Variants in CEACAM18 observed in about 807,000 individuals in gnomAD.
CEACAM18 encodes CEA cell adhesion molecule 18.
A neutral mutation model predicts 34.3 loss-of-function variants in CEACAM18; 33 were observed. That is an observed-to-expected ratio of 0.96 (90% confidence interval 0.73 to 1.29). CEACAM18 has a LOEUF of 1.29. Among genes scored for constraint, CEACAM18 ranks in the 50% most tolerant of loss-of-function variants. CEACAM18 has a pLI of 0.00. For synonymous variants in CEACAM18, 169 were observed against 180.9 expected (o/e 0.93, Z 0.53); for missense variants, 474 against 485.0 (o/e 0.98, Z 0.21).
At chr19:51,489,290 C>T (rs1478239196) in intron 5 of CEACAM18, among the ~76,000 whole-genome samples, 1 of 151,540 alleles carries the variant, frequency 6.6e-6, no homozygotes, top group Non-Finnish European at 1.5e-5. Flanking sequence ...TATTCTTGGG[C>T]CTCTGATGAA....
At chr19:51,484,711 A>G (rs1989972075) in intron 4 of CEACAM18, among the ~76,000 whole-genome samples, 1 of 99,688 alleles carries the variant, frequency 1.0e-5, no homozygotes, top group South Asian at 3.3e-4. Flanking sequence ...TCCCCTTATG[A>G]GGGTTTATTC....
At chr19:51,487,194 G>T (rs1475904503) in intron 5 of CEACAM18, among the ~76,000 whole-genome samples, 1 of 152,124 alleles carries the variant, frequency 6.6e-6, no homozygotes, top group East Asian at 1.9e-4. Context: ...TGAAGAAATG[G>T]CCAGGCATGG....
chr19:51,478,614 C>A, upstream of CEACAM18: 1 of 1,572,110 alleles, frequency 6.4e-7, no homozygotes, highest in Non-Finnish European at 8.6e-7. Context: ...CTGGAGGGAC[C>A]CCTCCTCCTG....
downstream of CEACAM18, among the ~76,000 whole-genome samples, chr19:51,491,103 CCTGAGTA>C (rs573333636): frequency 1.0e-3 from 152 of 152,280 alleles, no homozygotes; most frequent in African/African-American, 3.5e-3. Context: ...TCAGTCCTGC[CCTGAGTA>C]CCGGAGCGAC....
intron 5 of CEACAM18, among the ~76,000 whole-genome samples, 195 bp downstream of exon 5, chr19:51,485,317 C>T (rs760783055): frequency 1.3e-5 from 2 of 152,158 alleles, no homozygotes; most frequent in Admixed American, 6.5e-5. Context: ...GGTTTAGAGT[C>T]GGCCATGGTT....
intron 5 of CEACAM18, among the ~76,000 whole-genome samples, chr19:51,489,222 T>C (rs1990050092): frequency 1.3e-5 from 2 of 149,836 alleles, no homozygotes; most frequent in East Asian, 2.1e-4. Context: ...CAGTGACTCA[T>C]TCATTTGTCT....
At chr19:51,486,264 T>C (rs180827874) in intron 5 of CEACAM18, among the ~76,000 whole-genome samples, 1 of 152,178 alleles carries the variant, frequency 6.6e-6, no homozygotes, top group Admixed American at 6.5e-5. Flanking sequence ...ATGGTGATGA[T>C]GTTGGTGATG....
chr19:51,483,430 AGTTCTCT>A, intron 4 of CEACAM18, 134 bp downstream of exon 4: 1 of 1,094,552 alleles, frequency 9.1e-7, no homozygotes, highest in Non-Finnish European at 1.3e-6. Flanking sequence ...GAAATCTCCC[AGTTCTCT>A]GAGGTCTGGG....
At chr19:51,491,290 T>C (rs569026929), downstream of CEACAM18, 1 of 196,392 alleles carries the variant, frequency 5.1e-6, no homozygotes, top group East Asian at 1.4e-4. Flanking sequence ...TATTCTGTTA[T>C]TTGGAACAAC....
chr19:51,484,935 T>G (rs1463082699), intron 4 of CEACAM18, 52 bp from the exon 5 acceptor site: 3 of 1,534,250 alleles, frequency 2.0e-6, no homozygotes, highest in Non-Finnish European at 2.6e-6. Flanking sequence ...GATGAGTGAA[T>G]GCATGAATGG....
At chr19:51,478,728 G>C (rs1488135471) in intron 1 of CEACAM18, 34 bp downstream of exon 1, 5 of 1,346,670 alleles carry the variant, frequency 3.7e-6, no homozygotes, top group Non-Finnish European at 4.8e-6. Context: ...GAGCTTCCCA[G>C]GACTGAGGGA....
At chr19:51,480,663 G>A in exon 2 of CEACAM18, 1 of 1,612,446 alleles carries the variant, frequency 6.2e-7, no homozygotes, top group Non-Finnish European at 8.5e-7. Context: ...AGAGCAACCG[G>A]CTGGCTGGAG....
chr19:51,490,372 C>G (rs57906214), intron 5 of CEACAM18, among the ~76,000 whole-genome samples: 4,243 of 152,180 alleles, frequency 0.028, 173 homozygotes, highest in African/African-American at 0.087. Context: ...CATCTTCCTC[C>G]AGTGCCCTCG....
exon 4 of CEACAM18, chr19:51,483,079 G>C (rs372396555): frequency 1.2e-6 from 2 of 1,614,048 alleles, no homozygotes; most frequent in East Asian, 4.5e-5. Flanking sequence ...TGTGACAGCT[G>C]AGATCGGCTC....
chr19:51,481,431 T>C (rs1485599634), exon 3 of CEACAM18: 1 of 1,613,970 alleles, frequency 6.2e-7, no homozygotes, highest in Admixed American at 1.7e-5. Context: ...CAATGCCAGC[T>C]CCCTGGTGGA....
At chr19:51,482,535 AG>A (rs574651067) in intron 3 of CEACAM18, among the ~76,000 whole-genome samples, 16 of 152,332 alleles carry the variant, frequency 1.1e-4, no homozygotes, top group African/African-American at 3.6e-4. Flanking sequence ...ACCAAGACCC[AG>A]GATCCAGAGG....
chr19:51,486,802 C>T (rs1281286530), intron 5 of CEACAM18, among the ~76,000 whole-genome samples: 1 of 150,878 alleles, frequency 6.6e-6, no homozygotes, highest in Non-Finnish European at 1.5e-5. Flanking sequence ...ACTGCAAGCT[C>T]CGCCTCCCAG....
intron 4 of CEACAM18, 25 bp from the exon 5 acceptor site, chr19:51,484,962 A>AC (rs1989975542): frequency 6.5e-7 from 1 of 1,535,888 alleles, no homozygotes; most frequent in Non-Finnish European, 8.7e-7. Flanking sequence ...CGTGGTCCTG[A>AC]CCCCCAGGTG....
intron 5 of CEACAM18, among the ~76,000 whole-genome samples, chr19:51,485,978 T>C (rs562499469): frequency 6.6e-6 from 1 of 152,280 alleles, no homozygotes; most frequent in East Asian, 1.9e-4. Context: ...TGTTAGAAAG[T>C]GCAGTGATGC....
Sources: gnomAD v4.1 joint callset for allele counts (sites outside exome capture counted in the v4.1 genomes callset) on GRCh38, gnomAD v4.1.1 for gene constraint, MANE v1.5 for transcripts, NCBI Gene and HGNC (gene_info 2026-07-23, HGNC 2026-07-21) for gene names.